KLHL7: variants seen among roughly 807,000 people sequenced by gnomAD.
KLHL7 encodes the protein kelch like family member 7, also known as kelch-like protein 7.
Under a neutral mutation model 67.4 loss-of-function variants are expected in KLHL7, and 44 were observed. That is an observed-to-expected ratio of 0.65 (90% CI 0.51 to 0.84). The LOEUF (loss-of-function observed/expected upper bound fraction) is 0.84, where lower values mean the gene tolerates loss of function less well. Among genes scored for constraint, KLHL7 ranks in the 40% least tolerant of loss-of-function variants. KLHL7 has a pLI of 0.00. For synonymous variants in KLHL7, 252 were observed against 243.3 expected (o/e 1.04, Z -0.33); for missense variants, 362 against 718.1 (o/e 0.50, Z 5.67).
At position 23,142,434 on chromosome 7, in the gene KLHL7, T is replaced by C. The variant is rs189951388; in HGVS notation, c.619-1417T>C. The stretch of plus-strand genomic sequence containing the variant: ...GAGTATCAATTTGCAAATTGACAGG[T>C]TGGACCTGGAGGACCTCACTAGATA... On this transcript the variant is annotated intron_variant, in intron 5 of 10. Transcript: ENST00000339077. Among the ~76,000 whole-genome samples, 103 of 152,272 alleles carry C rather than the reference T, an allele frequency of 6.8e-4. 1 individual carries two copies. The highest frequency in any genetic ancestry group is 3.4e-3 in the Middle Eastern group (1 of 294).
chr7:23,177,913 A>G lies in KLHL7; in HGVS notation c.*3615A>G, dbSNP rs1562598829. 2.0e-5 allele frequency: 3 copies of G among 152,162 alleles called. No homozygotes were observed. The South Asian group carries it at 6.2e-4, about 31-fold the overall frequency. The allele number at this position is 152,162 out of a possible 1,614,324, so 9.4% of individuals were successfully genotyped here. A position where few individuals can be genotyped will look rare whatever the true frequency, so the allele number is the denominator to read the frequency against. On this transcript the variant is annotated 3_prime_UTR_variant, in exon 11 of 11. Transcript: ENST00000339077. ...CCGTTTAATAAACAATTATTCCACCAAGCAGTCTATATTCCTTTTGCCATA... is the reference window on the plus strand; with the variant it reads ...CCGTTTAATAAACAATTATTCCACCGAGCAGTCTATATTCCTTTTGCCATA...
intron 7 of KLHL7, among the ~76,000 whole-genome samples, chr7:23,163,321 C>T (rs1157885492): frequency 1.3e-5 from 2 of 152,124 alleles, no homozygotes; most frequent in Non-Finnish European, 2.9e-5. Context: ...CACGTGCCTG[C>T]CACCATGCCC....
intron 4 of KLHL7, among the ~76,000 whole-genome samples, chr7:23,138,914 G>A (rs191362764): frequency 7.2e-5 from 11 of 152,166 alleles, no homozygotes; most frequent in East Asian, 3.9e-4. Context: ...TAATTCTTAC[G>A]TTATTTAAAT....
rs1387823255 is a variant in KLHL7, at chr7:23,174,880, G to A, written c.*582G>A. 4.4e-6 allele frequency: 2 copies of A among 454,364 alleles called. No homozygotes were observed. Among genetic ancestry groups the A allele is most frequent in the Non-Finnish European group, 8.8e-6 (2 of 226,774 alleles). The allele number at this position is 454,364 out of a possible 1,614,324, so 28.1% of individuals were successfully genotyped here. On this transcript the variant is annotated 3_prime_UTR_variant, in exon 11 of 11. Coordinates refer to ENST00000339077, the MANE Select transcript of KLHL7 (RefSeq NM_001031710.3). Reference sequence around the variant, plus strand: ...ACAAAACTTCCTAAACAGATTTGGGGGTTTAATATGTCCAACTCCTCATGA... The same window carrying A: ...ACAAAACTTCCTAAACAGATTTGGGAGTTTAATATGTCCAACTCCTCATGA...
At chr7:23,114,834 C>T (rs1226608056) in intron 1 of KLHL7, among the ~76,000 whole-genome samples, 2 of 152,134 alleles carry the variant, frequency 1.3e-5, no homozygotes, top group African/African-American at 4.8e-5. Context: ...TCATAGCTCT[C>T]TAGATGTTCT....
chr7:23,120,449 A>T (rs568375257), intron 1 of KLHL7, among the ~76,000 whole-genome samples: 45 of 152,318 alleles, frequency 3.0e-4, no homozygotes, highest in African/African-American at 1.1e-3. Flanking sequence ...GAATGTAGTG[A>T]TGTTTCAATG....
rs1329772482 is a variant in KLHL7 at position 23,177,459 on chromosome 7, T to C, written c.*3161T>C. ...ATAATGAAGTGGTTTTTTTCCTTAG[T>C]AATCTGTATCATAATTCCCAATTAG... On this transcript the variant is annotated 3_prime_UTR_variant, in exon 11 of 11. Coordinates refer to ENST00000339077, the MANE Select transcript of KLHL7 (RefSeq NM_001031710.3). 1.3e-5 allele frequency: 2 copies of C among 152,226 alleles called. No individual in the cohort carries two copies. The highest frequency in any genetic ancestry group is 2.4e-5 in the African/African-American group (1 of 41,462). The allele number at this position is 152,226 out of a possible 1,614,324, so 9.4% of individuals were successfully genotyped here.
At chr7:23,134,331 G>A (rs1783901373) in intron 4 of KLHL7, among the ~76,000 whole-genome samples, 1 of 152,152 alleles carries the variant, frequency 6.6e-6, no homozygotes, top group Non-Finnish European at 1.5e-5. Context: ...TATTTTTAAT[G>A]TGTTGTTGAA....
chr7:23,115,745 A>G (rs1297218123), intron 1 of KLHL7, among the ~76,000 whole-genome samples: 2 of 151,836 alleles, frequency 1.3e-5, no homozygotes, highest in African/African-American at 4.8e-5. Context: ...GGGTTTTACC[A>G]TGTTAGCCAG....
chr7:23,131,614 A>G (rs747317493), intron 4 of KLHL7, among the ~76,000 whole-genome samples: 9 of 152,194 alleles, frequency 5.9e-5, no homozygotes, highest in Non-Finnish European at 1.0e-4. Context: ...CCATCCCCTC[A>G]AGGATTTATC....
intron 4 of KLHL7, among the ~76,000 whole-genome samples, chr7:23,130,720 G>T (rs997174118): frequency 2.6e-5 from 4 of 152,070 alleles, no homozygotes; most frequent in African/African-American, 9.7e-5. Context: ...AGATCTACTT[G>T]CCAGTTTCTC....
intron 1 of KLHL7, among the ~76,000 whole-genome samples, chr7:23,116,302 G>GA (rs1482674886): frequency 1.3e-5 from 2 of 152,186 alleles, no homozygotes; most frequent in African/African-American, 4.8e-5. Context: ...GTCCCACAGG[G>GA]ACCACTATGG....
chr7:23,174,674 G>T lies in KLHL7; in HGVS notation c.*376G>T, dbSNP rs556366574. The T allele has an allele frequency of 2.2e-6, 1 of 459,772 alleles. No homozygotes were observed. The allele number at this position is 459,772 out of a possible 1,614,324, so 28.5% of individuals were successfully genotyped here. A position where few individuals can be genotyped will look rare whatever the true frequency, so the allele number is the denominator to read the frequency against. On this transcript the variant is annotated 3_prime_UTR_variant, in exon 11 of 11. Coordinates refer to ENST00000339077, the MANE Select transcript of KLHL7 (RefSeq NM_001031710.3). ...TTCATGCATCACAGAAGTGCTATAC[G>T]GTTAGGTCTGTTTGTGCTCAGTCAA...
intron 1 of KLHL7, among the ~76,000 whole-genome samples, chr7:23,121,160 C>A (rs547117805): frequency 6.6e-6 from 1 of 152,270 alleles, no homozygotes; most frequent in Non-Finnish European, 1.5e-5. Context: ...CCGTGAAAGA[C>A]AAGATTTCAT....
intron 1 of KLHL7, 78 bp downstream of exon 1, chr7:23,106,224 CCGCGCCCTGTGGAT>C: frequency 1.3e-6 from 2 of 1,564,470 alleles, no homozygotes; most frequent in Non-Finnish European, 1.7e-6. Flanking sequence ...GGGTGGAACC[CCGCGCCCTGTGGAT>C]CGCGCCCCTC....
chr7:23,124,015 A>T (rs1197645798), intron 2 of KLHL7, 136 bp downstream of exon 2: 1 of 687,750 alleles, frequency 1.5e-6, no homozygotes. Flanking sequence ...AGATTGAAAA[A>T]GTAGTCAGCT....
chr7:23,171,762 T>A (rs570493008), intron 9 of KLHL7, among the ~76,000 whole-genome samples: 4 of 152,226 alleles, frequency 2.6e-5, no homozygotes, highest in East Asian at 3.8e-4. Flanking sequence ...CAGGCTGCAG[T>A]GCAGTGGCGT....
intron 7 of KLHL7, chr7:23,156,020 A>T (rs1784695627): frequency 2.1e-6 from 1 of 467,160 alleles, no homozygotes; most frequent in Non-Finnish European, 4.4e-6. Flanking sequence ...CTTCTACACG[A>T]GCCTGGAAGT....
chr7:23,147,486 G>A (rs1226656777), intron 6 of KLHL7, among the ~76,000 whole-genome samples: 1 of 152,054 alleles, frequency 6.6e-6, no homozygotes, highest in Non-Finnish European at 1.5e-5. Context: ...TTTTATGTTT[G>A]GTAATGTCAG....
Sources: gnomAD v4.1 joint callset for allele counts (sites outside exome capture counted in the v4.1 genomes callset) on GRCh38, gnomAD v4.1.1 for gene constraint, MANE v1.5 for transcripts, NCBI Gene and HGNC (gene_info 2026-07-23, HGNC 2026-07-21) for gene names.